The following NFIB variants were observed in gnomAD, a reference collection of about 807,000 sequenced individuals.
The protein encoded by NFIB is nuclear factor I B, also known as nuclear factor 1 B-type.
NFIB carries 11 observed loss-of-function variants against 61.5 expected under a neutral mutation model. The ratio of observed to expected loss-of-function variants is 0.18; its 90% CI spans 0.11 to 0.30. NFIB has a LOEUF of 0.30. Among genes scored for constraint, NFIB ranks in the 10% least tolerant of loss-of-function variants. The pLI, the probability that NFIB is intolerant of heterozygous loss-of-function variation, is 1.00. For synonymous variants in NFIB, 260 were observed against 216.5 expected (o/e 1.20, Z -1.76); for missense variants, 471 against 608.9 (o/e 0.77, Z 2.38).
At chr9:14,422,914 C>T in the NFIB span, among the ~76,000 whole-genome samples, 1 of 152,184 alleles carries the variant, frequency 6.6e-6, no homozygotes. Context: ...CAGCCTCCAT[C>T]TAGAGGAAGA....
At chr9:14,195,728 C>T (rs2048393889) in intron 2 of NFIB, among the ~76,000 whole-genome samples, 1 of 152,238 alleles carries the variant, frequency 6.6e-6, no homozygotes, top group South Asian at 2.1e-4. Flanking sequence ...TTCAAAGTGA[C>T]AACACTGTTC....
chr9:14,331,757 G>A (rs1164384477), intron 1 of NFIB, among the ~76,000 whole-genome samples: 4 of 152,208 alleles, frequency 2.6e-5, no homozygotes, highest in African/African-American at 9.7e-5. Flanking sequence ...TCTTAACCAC[G>A]ATTCCCTTAC....
chr9:14,502,441 A>T, the NFIB span, among the ~76,000 whole-genome samples: 1 of 152,202 alleles, frequency 6.6e-6, no homozygotes, highest in Non-Finnish European at 1.5e-5. Context: ...CTGGCCAAAT[A>T]ATCTCCAGGG....
chr9:14,374,709 AGACCAGCCTGGCCAACATG>A (rs1425097009), intron 1 of NFIB, among the ~76,000 whole-genome samples: 1 of 152,216 alleles, frequency 6.6e-6, no homozygotes, highest in Non-Finnish European at 1.5e-5. Flanking sequence ...CGGGAGTTCG[AGACCAGCCTGGCCAACATG>A]GTGAAACCCT....
At chr9:14,091,655 T>A (rs148210454) in intron 10 of NFIB, among the ~76,000 whole-genome samples, 1 of 152,208 alleles carries the variant, frequency 6.6e-6, no homozygotes, top group East Asian at 1.9e-4. Context: ...GTGCATTTCC[T>A]TTGTTTTAAT....
At chr9:14,174,233 T>C (rs544034326) in intron 3 of NFIB, among the ~76,000 whole-genome samples, 1 of 152,210 alleles carries the variant, frequency 6.6e-6, no homozygotes. Context: ...CTCAAATTAC[T>C]TAAAGGTTTT....
At chr9:14,233,907 A>C (rs988722705) in intron 2 of NFIB, among the ~76,000 whole-genome samples, 4 of 152,238 alleles carry the variant, frequency 2.6e-5, no homozygotes, top group African/African-American at 4.8e-5. Flanking sequence ...ATCAGCACTC[A>C]TTCCAATATT....
the NFIB span, among the ~76,000 whole-genome samples, chr9:14,453,682 G>A: frequency 0.046 from 7,034 of 152,250 alleles, 177 homozygotes; most frequent in Non-Finnish European, 0.054. Flanking sequence ...AAAATTACAT[G>A]TTAGGGATAG....
At chr9:14,184,275 T>C (rs2047108832) in intron 2 of NFIB, among the ~76,000 whole-genome samples, 1 of 152,194 alleles carries the variant, frequency 6.6e-6, no homozygotes, top group Non-Finnish European at 1.5e-5. Flanking sequence ...AATCCTAAAA[T>C]AATGCGAAGC....
the NFIB span, among the ~76,000 whole-genome samples, chr9:14,516,456 G>A: frequency 6.6e-6 from 1 of 152,024 alleles, no homozygotes; most frequent in East Asian, 1.9e-4. Flanking sequence ...ACGAAATTGT[G>A]TTTCTCTGTT....
chr9:14,326,105 C>G (rs1464666940), intron 1 of NFIB, among the ~76,000 whole-genome samples: 1 of 152,182 alleles, frequency 6.6e-6, no homozygotes, highest in Non-Finnish European at 1.5e-5. Flanking sequence ...CCCTGCACTA[C>G]TTTTATTCAG....
chr9:14,504,545 T>C, the NFIB span, among the ~76,000 whole-genome samples: 33 of 152,320 alleles, frequency 2.2e-4, no homozygotes, highest in East Asian at 4.8e-3. Context: ...GTCTTTTACC[T>C]CCTTGGTTAG....
intron 2 of NFIB, among the ~76,000 whole-genome samples, chr9:14,262,396 A>T (rs1352751374): frequency 6.6e-6 from 1 of 152,242 alleles, no homozygotes; most frequent in Non-Finnish European, 1.5e-5. Context: ...AAGCACAGCG[A>T]ATACACACGA....
At chr9:14,219,381 T>TTAAAAAAA (rs1554677158) in intron 2 of NFIB, among the ~76,000 whole-genome samples, 1 of 73,504 alleles carries the variant, frequency 1.4e-5, no homozygotes, top group African/African-American at 5.6e-5. Context: ...AGCACTAGGG[T>TTAAAAAAA]AAAAAAAAAA....
chr9:14,369,690 T>A (rs1564035717), intron 1 of NFIB, among the ~76,000 whole-genome samples: 1 of 152,192 alleles, frequency 6.6e-6, no homozygotes, highest in Non-Finnish European at 1.5e-5. Context: ...CCTTCTTTTC[T>A]CCTAATTAGT....
At chr9:14,115,373 A>G (rs1027137899) in intron 9 of NFIB, among the ~76,000 whole-genome samples, 5 of 152,146 alleles carry the variant, frequency 3.3e-5, no homozygotes, top group African/African-American at 1.2e-4. Context: ...AGCTTTATCC[A>G]TTCTACTTCA....
chr9:14,190,131 T>C (rs1047615234), intron 2 of NFIB, among the ~76,000 whole-genome samples: 6 of 152,208 alleles, frequency 3.9e-5, no homozygotes, highest in Admixed American at 3.3e-4. Flanking sequence ...TGTTTATGTT[T>C]ATATCCTTAT....
intron 1 of NFIB, among the ~76,000 whole-genome samples, chr9:14,311,373 G>A (rs1189974471): frequency 4.6e-5 from 7 of 152,126 alleles, no homozygotes; most frequent in African/African-American, 7.2e-5. Context: ...ATACAAAAGT[G>A]ACACTATTAA....
At chr9:14,184,359 T>A (rs146308228) in intron 2 of NFIB, among the ~76,000 whole-genome samples, 178 of 152,322 alleles carry the variant, frequency 1.2e-3, no homozygotes, top group African/African-American at 4.0e-3. Context: ...CTTCCCACCA[T>A]TCACCAATAC....
Sources: gnomAD v4.1 joint callset for allele counts (sites outside exome capture counted in the v4.1 genomes callset) on GRCh38, gnomAD v4.1.1 for gene constraint, MANE v1.5 for transcripts, NCBI Gene and HGNC (gene_info 2026-07-23, HGNC 2026-07-21) for gene names.